Variants in DAB1 observed in about 807,000 individuals in gnomAD.
The protein encoded by DAB1 is disabled homolog 1.
DAB1 carries 15 observed loss-of-function variants against 64.6 expected under a neutral mutation model. The ratio of observed to expected loss-of-function variants is 0.23; its 90% CI spans 0.16 to 0.36. The LOEUF is 0.36. Among genes scored for constraint, DAB1 ranks in the 10% least tolerant of loss-of-function variants. The pLI, the probability that DAB1 is intolerant of heterozygous loss-of-function variation, is 1.00. For synonymous variants in DAB1, 235 were observed against 251.9 expected, an observed-to-expected ratio of 0.93 and a Z score of 0.64; for missense variants, 596 against 706.7, an observed-to-expected ratio of 0.84 and a Z score of 1.78.
chr1:57,435,878 C>CTA (rs1570516387), intron 7 of DAB1, among the ~76,000 whole-genome samples: 1 of 149,568 alleles, frequency 6.7e-6, no homozygotes, highest in African/African-American at 2.5e-5. Context: ...ATATTATGTG[C>CTA]TATACATAAG....
intron 3 of DAB1, among the ~76,000 whole-genome samples, chr1:58,393,525 G>A (rs10889090): frequency 0.2 from 30,080 of 152,046 alleles, 3,330 homozygotes; most frequent in East Asian, 0.32. Flanking sequence ...GATAATTAAC[G>A]AACCTCAGGT....
At chr1:57,048,881 C>T (rs1648857617) in intron 9 of DAB1, among the ~76,000 whole-genome samples, 1 of 152,196 alleles carries the variant, frequency 6.6e-6, no homozygotes, top group Admixed American at 6.5e-5. Flanking sequence ...CTTTACAACA[C>T]ACAACTGAGC....
chr1:57,244,536 A>G (rs1668724682), intron 2 of DAB1, among the ~76,000 whole-genome samples: 1 of 152,220 alleles, frequency 6.6e-6, no homozygotes, highest in African/African-American at 2.4e-5. Context: ...CCAGCTGAAG[A>G]TTAGAGGTGG....
intron 6 of DAB1, among the ~76,000 whole-genome samples, chr1:57,726,753 G>C (rs56659618): frequency 0.064 from 9,737 of 152,184 alleles, 1,078 homozygotes; most frequent in African/African-American, 0.22. Context: ...GTAACTTGCT[G>C]AGAATCATGT....
intron 3 of DAB1, among the ~76,000 whole-genome samples, chr1:58,392,566 C>T (rs1296262436): frequency 2.0e-5 from 3 of 152,172 alleles, no homozygotes; most frequent in Non-Finnish European, 2.9e-5. Context: ...TCCAGGAACA[C>T]GTTTCAGTCT....
rs374854616 is a variant in DAB1 at position 58,438,057 on chromosome 1, G to T, written n.257+68003C>A. 3.9e-5 allele frequency among the ~76,000 whole-genome samples: 6 copies of T among 152,304 alleles called. No homozygotes were observed. The East Asian group carries it at 1.2e-3, about 29-fold the overall frequency. ...AACCTCAGAGATGAGGAGAGAGAAA[G>T]AATCTGACTGTGTGGAGACCCTGTC... On this transcript the variant is annotated intron_variant and non_coding_transcript_variant, in intron 3 of 20. Coordinates refer to the DAB1 transcript ENST00000485760.
intron 7 of DAB1, among the ~76,000 whole-genome samples, chr1:57,477,224 T>G (rs1024610062): frequency 6.6e-6 from 1 of 152,216 alleles, no homozygotes; most frequent in Non-Finnish European, 1.5e-5. Context: ...TTTGATTTTA[T>G]GACCTACTGT....
At chr1:57,161,404 T>C (rs1417682817) in intron 2 of DAB1, among the ~76,000 whole-genome samples, 1 of 152,162 alleles carries the variant, frequency 6.6e-6, no homozygotes, top group Non-Finnish European at 1.5e-5. Flanking sequence ...CCTGGGCAGC[T>C]GGGCTGCACC....
intron 7 of DAB1, among the ~76,000 whole-genome samples, chr1:57,552,965 G>A (rs1311683163): frequency 6.6e-6 from 1 of 152,086 alleles, no homozygotes; most frequent in African/African-American, 2.4e-5. Flanking sequence ...GATTGTATGA[G>A]GCTTCTGGGA....
At chr1:57,971,237 A>G (rs1645789199) in intron 5 of DAB1, among the ~76,000 whole-genome samples, 2 of 152,166 alleles carry the variant, frequency 1.3e-5, no homozygotes, top group Non-Finnish European at 2.9e-5. Flanking sequence ...GACTTGGACA[A>G]AATTTGTCTA....
In DAB1 at chr1:57,444,769, C is replaced by T. The variant is rs141347243; in HGVS notation, n.626-153603G>A. ...CAGAAGAGGCAAGGAATAATTCTCC[C>T]GTAGAGCTTTCAGAAGGAGCATAGG... On this transcript the variant is annotated intron_variant and non_coding_transcript_variant, in intron 7 of 20. Coordinates refer to the DAB1 transcript ENST00000485760. 4.2e-4 allele frequency among the ~76,000 whole-genome samples: 64 copies of T among 152,254 alleles called. No individual in the cohort carries two copies. In the East Asian group the frequency reaches 9.3e-3, roughly 22 times the overall value.
chr1:58,493,013 C>T (rs1645727097), intron 3 of DAB1, among the ~76,000 whole-genome samples: 1 of 152,050 alleles, frequency 6.6e-6, no homozygotes, highest in African/African-American at 2.4e-5. Flanking sequence ...TGCAAAAATC[C>T]TCAATAAAAT....
At chr1:57,437,068 A>G (rs1251174381) in intron 7 of DAB1, among the ~76,000 whole-genome samples, 2 of 151,220 alleles carry the variant, frequency 1.3e-5, no homozygotes, top group African/African-American at 4.9e-5. Flanking sequence ...TTCCTGGCAC[A>G]GGAGTTAATG....
At chr1:58,181,677 T>A (rs1337726612) in intron 4 of DAB1, among the ~76,000 whole-genome samples, 3 of 152,130 alleles carry the variant, frequency 2.0e-5, no homozygotes, top group African/African-American at 7.2e-5. Context: ...AATACTAAGT[T>A]ACTTCTAATA....
At chr1:57,150,657 G>C (rs766306715) in intron 2 of DAB1, among the ~76,000 whole-genome samples, 5 of 152,304 alleles carry the variant, frequency 3.3e-5, no homozygotes, top group Middle Eastern at 3.4e-3. Flanking sequence ...ATTTGGTAGG[G>C]AGATGATTAG....
chr1:57,370,102 C>G (rs750411088), intron 1 of DAB1, among the ~76,000 whole-genome samples: 3 of 152,160 alleles, frequency 2.0e-5, no homozygotes, highest in African/African-American at 7.2e-5. Flanking sequence ...ACAGCCCAAC[C>G]ACACCACCTT....
intron 2 of DAB1, among the ~76,000 whole-genome samples, chr1:57,190,714 G>A (rs1040509271): frequency 7.9e-5 from 12 of 152,054 alleles, no homozygotes; most frequent in South Asian, 6.2e-4. Context: ...AGCATCCCCC[G>A]CACCACCACC....
At position 57,434,927 on chromosome 1, in the gene DAB1, G is replaced by A. The variant is rs113278309; in HGVS notation, n.626-143761C>T. Among the ~76,000 whole-genome samples the A allele has an allele frequency of 3.2e-3, 483 of 152,170 alleles. 2 individuals carry two copies. The highest frequency in any genetic ancestry group is 0.011 in the African/African-American group (444 of 41,516). The stretch of plus-strand genomic sequence containing the variant: ...TTGGATGAGTCAGTGAGTAAGTGGC[G>A]AGTGAATGTGAAGGCCTACGACATT... On this transcript the variant is annotated intron_variant and non_coding_transcript_variant, in intron 7 of 20. Transcript: ENST00000485760.
At chr1:57,332,194 C>T (rs556927606) in intron 1 of DAB1, among the ~76,000 whole-genome samples, 1 of 151,808 alleles carries the variant, frequency 6.6e-6, no homozygotes, top group East Asian at 1.9e-4. Context: ...GAACTCCTGA[C>T]CTCAAGTAAT....
Sources: allele counts gnomAD v4.1 joint callset (sites outside exome capture counted in the v4.1 genomes callset), GRCh38; gene constraint gnomAD v4.1.1; transcripts MANE v1.5; gene names NCBI Gene and HGNC (gene_info 2026-07-23, HGNC 2026-07-21).